Variants in LRP1 observed in about 807,000 individuals in gnomAD.
LRP1 encodes the protein LDL receptor related protein 1, also known as prolow-density lipoprotein receptor-related protein 1.
In LRP1, 51 loss-of-function variants were observed where a neutral mutation model predicts 541.5. That is an observed-to-expected ratio of 0.09 (90% CI 0.08 to 0.12). The LOEUF is 0.12. Ranked by LOEUF, LRP1 falls within the 10% of genes least tolerant of loss-of-function variation. LRP1 has a pLI of 1.00. For synonymous variants in LRP1, 2,219 were observed against 2,470.8 expected (o/e 0.90, Z 3.02); for missense variants, 3,878 against 6,376.2 (o/e 0.61, Z 13.34).
chr12:57,188,386 T>C (rs2036310779), intron 42 of LRP1, among the ~76,000 whole-genome samples: 1 of 152,238 alleles, frequency 6.6e-6, no homozygotes, highest in South Asian at 2.1e-4. Flanking sequence ...GCTGTATAGA[T>C]ACGTGAGTGT....
Position 57,179,775 on chromosome 12 carries a change from C to T in LRP1, c.4967-7C>T, listed in dbSNP as rs2036124351. 1.2e-6 allele frequency: 2 copies of T among 1,612,566 alleles called. No homozygotes were observed. The highest frequency in any genetic ancestry group is 1.3e-5 in the African/African-American group (1 of 74,930). Reference sequence around the variant, plus strand: ...CCCAACAACTGACTCCCTACTTGTGCCCCCAGACTTGCCAAATGCCCACGG... The same window carrying T: ...CCCAACAACTGACTCCCTACTTGTGTCCCCAGACTTGCCAAATGCCCACGG... On this transcript the variant is annotated splice_region_variant and splice_polypyrimidine_tract_variant and intron_variant, in intron 29 of 88. Coordinates refer to ENST00000243077, the MANE Select transcript of LRP1 (RefSeq NM_002332.3). This position sits in a 1 kb window ranked among gnomAD's most constrained non-coding sequence, Gnocchi z 6.8.
At chr12:57,142,615 C>G (rs572243263) in intron 3 of LRP1, among the ~76,000 whole-genome samples, 3 of 152,258 alleles carry the variant, frequency 2.0e-5, no homozygotes, top group African/African-American at 4.8e-5. Flanking sequence ...TTTTGAGTAC[C>G]TTTACAGTCT....
Position 57,205,072 on chromosome 12 carries a change from G to T in LRP1, c.11195-37G>T, listed in dbSNP as rs2036741332. ...GTTGCCGTGGGAGGAGGAGGCAGGGGAGAATACCCAGGGCCTAAAGCCTCT... is the reference window on the plus strand; with the variant it reads ...GTTGCCGTGGGAGGAGGAGGCAGGGTAGAATACCCAGGGCCTAAAGCCTCT... On this transcript the variant is annotated intron_variant, in intron 72 of 88. Coordinates refer to ENST00000243077, the MANE Select transcript of LRP1 (RefSeq NM_002332.3). This position sits in a 1 kb window ranked among gnomAD's most constrained non-coding sequence, Gnocchi z 4.6. 2 of 1,587,344 alleles carry T rather than the reference G, an allele frequency of 1.3e-6. No homozygotes were observed. Among genetic ancestry groups the T allele is most frequent in the African/African-American group, 1.3e-5 (1 of 74,192 alleles).
Position 57,211,131 on chromosome 12 carries a change from C to T in LRP1, c.12917-45C>T. 6 of 1,597,594 alleles carry T rather than the reference C, an allele frequency of 3.8e-6. No individual in the cohort carries two copies. Among genetic ancestry groups the T allele is most frequent in the Non-Finnish European group, 4.3e-6 (5 of 1,167,170 alleles). On this transcript the variant is annotated intron_variant, in intron 83 of 88. Coordinates refer to ENST00000243077, the MANE Select transcript of LRP1 (RefSeq NM_002332.3). The surrounding 1 kb of genome is among the most constrained non-coding windows in gnomAD (Gnocchi z 4.3). The stretch of plus-strand genomic sequence containing the variant: ...CTCTGTTCAACCTATGGAGAGCCCT[C>T]ATGAGGGTGGGGCTTGAGGCACTTC...
chr12:57,182,747 C>T (rs774961289), intron 34 of LRP1, among the ~76,000 whole-genome samples: 1 of 151,776 alleles, frequency 6.6e-6, no homozygotes, highest in Admixed American at 6.6e-5. Context: ...ACCTGGGACG[C>T]GGAGGTTGTG....
chr12:57,206,379 A>G lies in LRP1; in HGVS notation c.11591-94A>G. 1 of 1,294,778 alleles carries G rather than the reference A, an allele frequency of 7.7e-7. No individual in the cohort carries two copies. The highest frequency in any genetic ancestry group is 1.1e-6 in the Non-Finnish European group (1 of 916,284). The allele number at this position is 1,294,778 out of a possible 1,614,324, so 80.2% of individuals were successfully genotyped here. A position where few individuals can be genotyped will look rare whatever the true frequency, so the allele number is the denominator to read the frequency against. On this transcript the variant is annotated intron_variant, in intron 75 of 88. Transcript: ENST00000243077. The surrounding 1 kb of genome is among the most constrained non-coding windows in gnomAD (Gnocchi z 4.7). ...TCTGGCCGGAGCAGATGGTCCTACCAGGAGATGGGACAGTGTTCATGTGAA... is the reference window on the plus strand; with the variant it reads ...TCTGGCCGGAGCAGATGGTCCTACCGGGAGATGGGACAGTGTTCATGTGAA...
intron 1 of LRP1, among the ~76,000 whole-genome samples, chr12:57,136,132 G>A (rs907790792): frequency 6.6e-6 from 1 of 152,228 alleles, no homozygotes; most frequent in Non-Finnish European, 1.5e-5. Context: ...GGCGGGCTGT[G>A]TTTCCCGGGA....
At chr12:57,170,240 A>G (rs751664961) in intron 20 of LRP1, among the ~76,000 whole-genome samples, 3 of 152,254 alleles carry the variant, frequency 2.0e-5, no homozygotes, top group Non-Finnish European at 4.4e-5. Context: ...ATACACCCTT[A>G]TGACCTCATC....
In LRP1 at chr12:57,211,520, G is replaced by A. The variant is rs1482859061; in HGVS notation, c.13125G>A (p.Leu4375=). The part of the protein sequence containing the change: ...CTDGRVAPSC[L]TCVGHCSNGG... ...ATGGCCGGGTGGCCCCCAGCTGTCT[G>A]ACCTGCGTCGGCCACTGCAGCAATG... The change falls in exon 85 of 89, where the codon CTG becomes CTA. Residue 4375 remains leucine (L), a synonymous_variant. Coordinates refer to ENST00000243077, the MANE Select transcript of LRP1 (RefSeq NM_002332.3). The surrounding 1 kb of genome is among the most constrained non-coding windows in gnomAD (Gnocchi z 4.3). 6.2e-7 allele frequency: 1 copy of A among 1,614,030 alleles called. No homozygotes were observed. Among genetic ancestry groups the A allele is most frequent in the East Asian group, 2.2e-5 (1 of 44,888 alleles).
chr12:57,195,434 C>T, intron 52 of LRP1, 35 bp downstream of exon 52: 2 of 1,596,354 alleles, frequency 1.3e-6, no homozygotes, highest in East Asian at 2.2e-5. Flanking sequence ...GGGTGGACAG[C>T]AAATGGCCAC....
rs2036790318 is a variant in LRP1 at position 57,206,816 on chromosome 12, G to A, written c.11859+75G>A. The A allele has an allele frequency of 6.5e-7, 1 of 1,530,536 alleles. No individual in the cohort carries two copies. The highest frequency in any genetic ancestry group is 1.7e-5 in the Admixed American group (1 of 58,124). 94.8% of individuals were successfully genotyped at this position (1,530,536 alleles called of 1,614,324 possible). On this transcript the variant is annotated intron_variant, in intron 76 of 88. Coordinates refer to ENST00000243077, the MANE Select transcript of LRP1 (RefSeq NM_002332.3). This position sits in a 1 kb window ranked among gnomAD's most constrained non-coding sequence, Gnocchi z 4.7. ...GCGGTTCAGAGCAGGATTTGAAAAG[G>A]GCAGTGCTGGCTAGGCGCAGTGGCT...
intron 50 of LRP1, 32 bp from the exon 51 acceptor site, chr12:57,194,953 C>T: frequency 6.4e-7 from 1 of 1,564,740 alleles, no homozygotes; most frequent in South Asian, 1.1e-5. Context: ...CCCCACCCTT[C>T]CCCATCTAAC....
rs571987529 is a variant in LRP1 at position 57,128,903 on chromosome 12, G to T, written c.-62G>T. 1.2e-5 allele frequency: 17 copies of T among 1,428,702 alleles called. No homozygotes were observed. In the African/African-American group the frequency reaches 1.6e-4, roughly 13 times the overall value. The allele number at this position is 1,428,702 out of a possible 1,614,324, so 88.5% of individuals were successfully genotyped here. On this transcript the variant is annotated 5_prime_UTR_variant, in exon 1 of 89. Coordinates refer to ENST00000243077, the MANE Select transcript of LRP1 (RefSeq NM_002332.3). ...AAAGGGGGACCCCCCAACTGGGGGG[G>T]GTGAAGGAGAGAAGTAGCAGGACCA...
chr12:57,138,703 T>G, intron 2 of LRP1, 122 bp downstream of exon 2: 1 of 1,374,232 alleles, frequency 7.3e-7, no homozygotes, highest in East Asian at 2.3e-5. Context: ...GTGATTGTAT[T>G]TGTCCATGAC....
chr12:57,176,174 C>T, intron 24 of LRP1, 68 bp downstream of exon 24: 4 of 1,512,840 alleles, frequency 2.6e-6, no homozygotes, highest in Non-Finnish European at 2.7e-6. Flanking sequence ...GGCCACAGGT[C>T]CCATCCAAGT....
At chr12:57,157,747 G>A (rs1565723887) in intron 10 of LRP1, among the ~76,000 whole-genome samples, 1 of 152,270 alleles carries the variant, frequency 6.6e-6, no homozygotes, top group South Asian at 2.1e-4. Context: ...CCTGAGGGAG[G>A]AGCATGTCCG....
In LRP1 at chr12:57,213,206, G is replaced by T. The variant is rs2036955861; in HGVS notation, c.*651G>T. ...ACATTCCTCCAGCCTCCCCTCCCCT[G>T]GGGACGCCAAGGAGGTGGGCCACAC... is the stretch of plus-strand genomic sequence containing the variant. On this transcript the variant is annotated 3_prime_UTR_variant, in exon 89 of 89. Coordinates refer to ENST00000243077, the MANE Select transcript of LRP1 (RefSeq NM_002332.3). 1.3e-5 allele frequency: 2 copies of T among 151,970 alleles called. No individual in the cohort carries two copies. Among genetic ancestry groups the T allele is most frequent in the African/African-American group, 2.4e-5 (1 of 41,358 alleles). The allele number at this position is 151,970 out of a possible 1,614,324, so 9.4% of individuals were successfully genotyped here. A position where few individuals can be genotyped will look rare whatever the true frequency, so the allele number is the denominator to read the frequency against.
intron 4 of LRP1, among the ~76,000 whole-genome samples, chr12:57,144,059 C>T (rs2035350026): frequency 1.3e-5 from 2 of 152,132 alleles, no homozygotes; most frequent in South Asian, 4.1e-4. Context: ...ACAGATAAAA[C>T]CAAAGTCCCC....
chr12:57,149,440 A>C (rs1006306201), intron 6 of LRP1: 9 of 584,692 alleles, frequency 1.5e-5, no homozygotes, highest in African/African-American at 1.5e-4. Context: ...TCTCCTTGAA[A>C]TTGCCTCTCC....
Sources: allele counts gnomAD v4.1 joint callset (sites outside exome capture counted in the v4.1 genomes callset), GRCh38; gene constraint gnomAD v4.1.1; non-coding constraint Gnocchi (gnomAD v3.1); transcripts MANE v1.5; gene names NCBI Gene and HGNC (gene_info 2026-07-23, HGNC 2026-07-21).